Variants in ZNF710 observed in about 807,000 individuals in gnomAD.
The protein encoded by ZNF710 is zinc finger protein 710.
Under a neutral mutation model 50.6 loss-of-function variants are expected in ZNF710, and 13 were observed. The ratio of observed to expected loss-of-function variants is 0.26; its 90% CI spans 0.17 to 0.41. The LOEUF is 0.41. ZNF710 is among the 10% of genes least tolerant of loss of function. ZNF710 has a pLI of 1.00. For missense variants in ZNF710, 721 were observed against 936.6 expected (o/e 0.77, Z 3.01); for synonymous variants, 383 against 397.0 (o/e 0.96, Z 0.42).
intron 1 of ZNF710, among the ~76,000 whole-genome samples, chr15:90,035,497 G>A (rs953379680): frequency 5.9e-5 from 9 of 152,244 alleles, no homozygotes; most frequent in Non-Finnish European, 1.0e-4. Context: ...CAGCACCATC[G>A]TGCTTCTTAT....
chr15:90,024,039 G>A (rs1192466041), intron 1 of ZNF710, among the ~76,000 whole-genome samples: 2 of 151,096 alleles, frequency 1.3e-5, no homozygotes, highest in East Asian at 1.9e-4. Flanking sequence ...AGAACACCCA[G>A]CCATGGAGTA....
rs921309464 is a variant in ZNF710, at chr15:90,059,647, C to T, written c.-28-7463C>T. Among the ~76,000 whole-genome samples the T allele has an allele frequency of 2.0e-5, 3 of 152,200 alleles. No individual in the cohort carries two copies. The highest frequency in any genetic ancestry group is 4.8e-5 in the African/African-American group (2 of 41,458). ...TTCCCCTGCCCCTCCCCCGTGCCGG[C>T]GGCAGCTCCCTGGGCCTCTGGCTCC... is the stretch of plus-strand genomic sequence containing the variant. On this transcript the variant is annotated intron_variant, in intron 1 of 4. Transcript: ENST00000268154. The surrounding 1 kb of genome is among the most constrained non-coding windows in gnomAD (Gnocchi z 4.1).
intron 1 of ZNF710, among the ~76,000 whole-genome samples, chr15:90,060,880 G>A (rs916779497): frequency 1.3e-5 from 2 of 152,098 alleles, no homozygotes; most frequent in African/African-American, 4.8e-5. Flanking sequence ...TAAATAAAAA[G>A]TCAGAGGTTC....
chr15:90,015,898 C>T (rs901444220), intron 1 of ZNF710, among the ~76,000 whole-genome samples: 7 of 152,148 alleles, frequency 4.6e-5, no homozygotes, highest in Admixed American at 2.0e-4. Flanking sequence ...CGTGAGTCAC[C>T]GCGCCCAATG....
intron 1 of ZNF710, among the ~76,000 whole-genome samples, chr15:90,039,794 G>C (rs551281060): frequency 2.0e-5 from 3 of 152,236 alleles, no homozygotes; most frequent in Non-Finnish European, 4.4e-5. Flanking sequence ...GCCGTGGTCT[G>C]GGAAACTGGA....
intron 1 of ZNF710, among the ~76,000 whole-genome samples, chr15:90,042,782 G>A (rs1250553480): frequency 6.6e-6 from 1 of 152,202 alleles, no homozygotes; most frequent in Non-Finnish European, 1.5e-5. Context: ...GCACGATCTG[G>A]TGTGTAACAG....
chr15:90,025,197 G>T (rs1007204871), intron 1 of ZNF710: 13 of 152,028 alleles, frequency 8.6e-5, no homozygotes, highest in African/African-American at 3.1e-4. Context: ...AGGGTGACCG[G>T]GTCCCTCACA....
chr15:90,082,098 G>A lies in ZNF710; in HGVS notation c.*2269G>A, dbSNP rs952768956. On this transcript the variant is annotated 3_prime_UTR_variant, in exon 5 of 5. Coordinates refer to ENST00000268154, the MANE Select transcript of ZNF710 (RefSeq NM_198526.4). ...CATGTATACAAACCAACTGTTTAGA[G>A]ATTCCACTTGTGCAAAGCCCTACTG... 2 of 152,228 alleles carry A rather than the reference G, an allele frequency of 1.3e-5. No individual in the cohort carries two copies. The highest frequency in any genetic ancestry group is 4.8e-5 in the African/African-American group (2 of 41,450). The allele number at this position is 152,228 out of a possible 1,614,324, so 9.4% of individuals were successfully genotyped here.
At chr15:90,001,966 T>TGAGAGAGAGAGAGAGAGA (rs745830369) in intron 1 of ZNF710, among the ~76,000 whole-genome samples, 5 of 96,790 alleles carry the variant, frequency 5.2e-5, no homozygotes, top group African/African-American at 2.1e-4. Flanking sequence ...AGCGCGCGAA[T>TGAGAGAGAGAGAGAGAGA]GAGAGAGAGA....
rs201471695 is a variant in ZNF710, at chr15:90,034,197, C to CAAAA, written c.-29+32589_-29+32592dup. On this transcript the variant is annotated intron_variant, in intron 1 of 4. Coordinates refer to ENST00000268154, the MANE Select transcript of ZNF710 (RefSeq NM_198526.4). The surrounding 1 kb of genome is among the most constrained non-coding windows in gnomAD (Gnocchi z 4.0). ...TGGGTGACAGAGTGAGACTCTGTCT[C>CAAAA]AAAAAAAAAGAAAAGAAAAGAAAAG... is the stretch of plus-strand genomic sequence containing the variant. 2.9e-5 allele frequency among the ~76,000 whole-genome samples: 4 copies of CAAAA among 137,690 alleles called. No individual in the cohort carries two copies. The highest frequency in any genetic ancestry group is 1.2e-4 in the African/African-American group (4 of 34,120). The allele number at this position is 137,690 out of a possible 152,430, so 90.3% of individuals were successfully genotyped here.
intron 1 of ZNF710, among the ~76,000 whole-genome samples, chr15:90,016,637 T>C (rs1596267186): frequency 6.6e-6 from 1 of 152,170 alleles, no homozygotes; most frequent in Admixed American, 6.5e-5. Flanking sequence ...AGGTGGGGTC[T>C]GTGCTGGTCT....
At chr15:90,009,611 C>T (rs1180140055) in intron 1 of ZNF710, among the ~76,000 whole-genome samples, 1 of 152,112 alleles carries the variant, frequency 6.6e-6, no homozygotes, top group Non-Finnish European at 1.5e-5. Flanking sequence ...TCCTCTGTGT[C>T]CTGCCCTGGC....
intron 1 of ZNF710, among the ~76,000 whole-genome samples, chr15:90,007,295 C>G (rs1408940713): frequency 6.6e-6 from 1 of 152,104 alleles, no homozygotes; most frequent in Non-Finnish European, 1.5e-5. Flanking sequence ...CTCAATAGTT[C>G]CATGCATGGG....
chr15:90,074,112 C>T lies in ZNF710; in HGVS notation c.1651-4C>T, dbSNP rs1900502541. 1 of 1,612,408 alleles carries T rather than the reference C, an allele frequency of 6.2e-7. No homozygotes were observed. The highest frequency in any genetic ancestry group is 8.5e-7 in the Non-Finnish European group (1 of 1,179,366). ...GCTCAGGACACCGGGTTGATGTGTTCTAGGTGTGCGGGAAGTCCTTCAACC... is the reference window on the plus strand; with the variant it reads ...GCTCAGGACACCGGGTTGATGTGTTTTAGGTGTGCGGGAAGTCCTTCAACC... On this transcript the variant is annotated splice_region_variant and splice_polypyrimidine_tract_variant and intron_variant, in intron 3 of 4. Coordinates refer to ENST00000268154, the MANE Select transcript of ZNF710 (RefSeq NM_198526.4).
Position 90,079,640 on chromosome 15 carries a change from A to T in ZNF710, c.1826-20A>T. ...TCCCGAGAGATGGCAGCCAGGTCTG[A>T]CTGTGCCCCTCTCTTACAGACCCCA... On this transcript the variant is annotated intron_variant, in intron 4 of 4. Transcript: ENST00000268154. 1 of 1,606,820 alleles carries T rather than the reference A, an allele frequency of 6.2e-7. No individual in the cohort carries two copies. Among genetic ancestry groups the T allele is most frequent in the Non-Finnish European group, 8.5e-7 (1 of 1,177,282 alleles).
chr15:90,021,481 T>TA (rs1052363797), intron 1 of ZNF710, among the ~76,000 whole-genome samples: 6 of 152,222 alleles, frequency 3.9e-5, no homozygotes, highest in African/African-American at 1.4e-4. Flanking sequence ...ACCGCGGTGC[T>TA]ATGAAGTCAG....
rs1227337124 is a variant in ZNF710 at position 90,082,059 on chromosome 15, C to CTAACT, written c.*2233_*2237dup. 6 of 152,264 alleles carry CTAACT rather than the reference C, an allele frequency of 3.9e-5. No homozygotes were observed. The highest frequency in any genetic ancestry group is 1.4e-4 in the African/African-American group (6 of 41,470). 9.4% of individuals were successfully genotyped at this position (152,264 alleles called of 1,614,324 possible). On this transcript the variant is annotated 3_prime_UTR_variant, in exon 5 of 5. Transcript: ENST00000268154. ...TGGAAACTCCTGGACAAATTCCATT[C>CTAACT]TAACTTATTTTGACATGTATACAAA...
At chr15:90,072,241 C>T (rs1021906783) in intron 2 of ZNF710, among the ~76,000 whole-genome samples, 5 of 152,182 alleles carry the variant, frequency 3.3e-5, no homozygotes, top group Admixed American at 1.3e-4. Context: ...TGGGTTTTCT[C>T]CTGGAATCCA....
upstream of ZNF710, among the ~76,000 whole-genome samples, chr15:89,999,502 AGGCCCTGG>A (rs1897969008): frequency 6.6e-6 from 1 of 152,150 alleles, no homozygotes; most frequent in Non-Finnish European, 1.5e-5. Context: ...ACCTGGGCAA[AGGCCCTGG>A]GGTCATTGGG....
Sources: allele counts gnomAD v4.1 joint callset (sites outside exome capture counted in the v4.1 genomes callset), GRCh38; gene constraint gnomAD v4.1.1; non-coding constraint Gnocchi (gnomAD v3.1); transcripts MANE v1.5; gene names NCBI Gene and HGNC (gene_info 2026-07-23, HGNC 2026-07-21).